Variants in GRM7 observed in about 807,000 individuals in gnomAD.
GRM7 encodes glutamate metabotropic receptor 7, also known as metabotropic glutamate receptor 7.
A neutral mutation model predicts 84.5 loss-of-function variants in GRM7; 35 were observed. The ratio of observed to expected loss-of-function variants is 0.41; its 90% confidence interval spans 0.32 to 0.55. GRM7 has a LOEUF of 0.55. GRM7 is among the 20% of genes least tolerant of loss of function. GRM7 has a pLI of 0.19. For missense variants in GRM7, 1,003 were observed against 1,194.6 expected, an observed-to-expected ratio of 0.84 and a Z score of 2.36; for synonymous variants, 487 against 455.1, an observed-to-expected ratio of 1.07 and a Z score of -0.89.
chr3:7,530,254 A>T (rs962115698), intron 7 of GRM7, among the ~76,000 whole-genome samples: 7 of 151,940 alleles, frequency 4.6e-5, no homozygotes, highest in Non-Finnish European at 1.0e-4. Flanking sequence ...CATCCATGTC[A>T]CTGCAAAGGA....
intron 5 of GRM7, among the ~76,000 whole-genome samples, chr3:7,425,083 T>G (rs1398662826): frequency 1.3e-5 from 2 of 152,236 alleles, no homozygotes; most frequent in Non-Finnish European, 1.5e-5. Context: ...AATAGATACT[T>G]TCTCATTTTT....
At chr3:7,431,432 A>G (rs1696826000) in intron 5 of GRM7, among the ~76,000 whole-genome samples, 1 of 152,236 alleles carries the variant, frequency 6.6e-6, no homozygotes, top group East Asian at 1.9e-4. Context: ...GGGGGATGAA[A>G]TATTCTTCAT....
chr3:7,172,729 T>C (rs1695026198), intron 2 of GRM7, among the ~76,000 whole-genome samples: 1 of 152,112 alleles, frequency 6.6e-6, no homozygotes, highest in Admixed American at 6.5e-5. Flanking sequence ...AACTGATACT[T>C]CCTTTGAAGG....
intron 7 of GRM7, among the ~76,000 whole-genome samples, chr3:7,571,880 CTG>C (rs139084209): frequency 0.12 from 18,321 of 152,196 alleles, 1,463 homozygotes; most frequent in Middle Eastern, 0.2. Flanking sequence ...TCATGGCAGA[CTG>C]TGAAATGCAA....
intron 1 of GRM7, among the ~76,000 whole-genome samples, chr3:7,048,868 C>G (rs575295413): frequency 1.3e-5 from 2 of 151,868 alleles, no homozygotes; most frequent in South Asian, 4.1e-4. Context: ...CACTTCCTCA[C>G]CCCCGGTAAC....
intron 1 of GRM7, chr3:6,956,477 AT>A: frequency 2.3e-6 from 1 of 443,360 alleles, no homozygotes; most frequent in South Asian, 1.6e-5. Flanking sequence ...TTTTTCATTC[AT>A]TTTTTTCTTT....
intron 7 of GRM7, among the ~76,000 whole-genome samples, chr3:7,470,962 GGGCATC>G (rs1479777790): frequency 1.3e-5 from 2 of 151,684 alleles, no homozygotes; most frequent in African/African-American, 2.4e-5. Flanking sequence ...TCATGAAGTG[GGGCATC>G]GTCAGAATGC....
intron 1 of GRM7, among the ~76,000 whole-genome samples, chr3:7,140,759 CTATATCA>C (rs1693920858): frequency 6.6e-6 from 1 of 151,828 alleles, no homozygotes; most frequent in African/African-American, 2.4e-5. Context: ...TAAGAGCATC[CTATATCA>C]ATAGCAAATA....
chr3:7,543,781 C>T (rs963541636), intron 7 of GRM7, among the ~76,000 whole-genome samples: 1 of 152,164 alleles, frequency 6.6e-6, no homozygotes, highest in African/African-American at 2.4e-5. Context: ...CCATGGTGAG[C>T]GCTTGCCTCA....
At chr3:7,285,422 T>G (rs1699396255) in intron 2 of GRM7, among the ~76,000 whole-genome samples, 1 of 152,144 alleles carries the variant, frequency 6.6e-6, no homozygotes, top group Admixed American at 6.6e-5. Flanking sequence ...TTATCGTGTG[T>G]TTTATTGAAT....
At chr3:7,722,506 G>A (rs1230518844) in intron 9 of GRM7, among the ~76,000 whole-genome samples, 5 of 148,826 alleles carry the variant, frequency 3.4e-5, no homozygotes, top group Non-Finnish European at 5.9e-5. Context: ...GTGCAGTGGC[G>A]ATCTCAGCTC....
intron 7 of GRM7, among the ~76,000 whole-genome samples, chr3:7,512,966 A>T (rs1559371705): frequency 6.6e-6 from 1 of 152,188 alleles, no homozygotes; most frequent in African/African-American, 2.4e-5. Flanking sequence ...CATAATAGAA[A>T]ATCAATTTTA....
chr3:7,446,140 G>A (rs2124879908), intron 5 of GRM7, among the ~76,000 whole-genome samples: 1 of 152,280 alleles, frequency 6.6e-6, no homozygotes, highest in South Asian at 2.1e-4. Flanking sequence ...TAAGTTTGAG[G>A]CTTTACATTC....
At chr3:7,481,185 C>G (rs1174051626) in intron 7 of GRM7, among the ~76,000 whole-genome samples, 1 of 151,768 alleles carries the variant, frequency 6.6e-6, no homozygotes, top group African/African-American at 2.4e-5. Context: ...CTGAAGTGAT[C>G]CTCCTGCCTC....
intron 8 of GRM7, among the ~76,000 whole-genome samples, chr3:7,637,533 A>G (rs1662480719): frequency 6.6e-6 from 1 of 152,252 alleles, no homozygotes; most frequent in African/African-American, 2.4e-5. Context: ...GAAGAAATCA[A>G]TAGAAAAATA....
intron 2 of GRM7, among the ~76,000 whole-genome samples, chr3:7,161,689 C>T (rs993351090): frequency 1.3e-5 from 2 of 152,156 alleles, no homozygotes; most frequent in Admixed American, 1.3e-4. Context: ...TCCTTCCTTG[C>T]TCATTACTTC....
intron 4 of GRM7, among the ~76,000 whole-genome samples, chr3:7,398,681 T>G (rs1463792907): frequency 6.6e-6 from 1 of 151,986 alleles, no homozygotes; most frequent in Non-Finnish European, 1.5e-5. Context: ...GTGTCGGTGT[T>G]GGGGGGATCA....
chr3:7,508,459 T>G (rs1012977666), intron 7 of GRM7, among the ~76,000 whole-genome samples: 3 of 152,138 alleles, frequency 2.0e-5, no homozygotes, highest in African/African-American at 7.2e-5. Flanking sequence ...TAGTGTATAA[T>G]TATATACACA....
intron 7 of GRM7, among the ~76,000 whole-genome samples, chr3:7,539,887 T>C (rs1264525100): frequency 6.6e-6 from 1 of 152,182 alleles, no homozygotes; most frequent in Non-Finnish European, 1.5e-5. Flanking sequence ...TGTATGTCTG[T>C]GGCACACTAA....
Sources: allele counts gnomAD v4.1 joint callset (sites outside exome capture counted in the v4.1 genomes callset), GRCh38; gene constraint gnomAD v4.1.1; transcripts MANE v1.5; gene names NCBI Gene and HGNC (gene_info 2026-07-23, HGNC 2026-07-21).